The following OR51E2 variants were observed in gnomAD, a reference collection of about 807,000 sequenced individuals.
OR51E2 encodes olfactory receptor family 51 subfamily E member 2, also known as olfactory receptor 51E2.
A neutral mutation model predicts 13.7 loss-of-function variants in OR51E2; 14 were observed. The ratio of observed to expected loss-of-function variants is 1.02; its 90% CI spans 0.68 to 1.60. The LOEUF is 1.60. OR51E2 is among the 40% of genes most tolerant of loss of function. The pLI is 0.00. For synonymous variants in OR51E2, 180 were observed against 157.6 expected, an observed-to-expected ratio of 1.14 and a Z score of -1.07; for missense variants, 483 against 413.8, an observed-to-expected ratio of 1.17 and a Z score of -1.45.
rs772282845 is a variant in OR51E2 at position 4,682,353 on chromosome 11, T to C, written c.359A>G (p.Asp120Gly). ...ESTILLAMAF[D>G]RYVAICHPLR... Reference sequence around the variant, plus strand: ...TGGGTGGCAGATGGCCACATAACGGTCAAAGGCCATGGCCAGCAGGATGGT... The same window carrying C: ...TGGGTGGCAGATGGCCACATAACGGCCAAAGGCCATGGCCAGCAGGATGGT... The change falls in exon 2 of 2, where the codon GAC becomes GGC. Residue 120 changes from aspartate to glycine, a missense_variant. Physicochemically the swap from Asp to Gly is moderately conservative, Grantham distance 94. Transcript: ENST00000396950. 6.2e-7 allele frequency: 1 copy of C among 1,614,016 alleles called. No homozygotes were observed. Among genetic ancestry groups the C allele is most frequent in the Non-Finnish European group, 8.5e-7 (1 of 1,179,998 alleles).
Position 4,681,832 on chromosome 11 carries a change from T to C in OR51E2, c.880A>G (p.Lys294Glu), listed in dbSNP as rs1847454086. 1 of 1,614,104 alleles carries C rather than the reference T, an allele frequency of 6.2e-7. No homozygotes were observed. Among genetic ancestry groups the C allele is most frequent in the Non-Finnish European group, 8.5e-7 (1 of 1,180,034 alleles). ...PVINPIIYGAKTKQIRTRVLA... is the reference protein window; with the variant it reads ...PVINPIIYGAETKQIRTRVLA... ...ACCCGTGTTCTGATCTGTTTGGTTT[T>C]GGCACCATAGATGATGGGATTGATG... The change falls in exon 2 of 2, where the codon AAA becomes GAA. Residue 294 changes from lysine (K) to glutamate (E), a missense_variant. Coordinates refer to ENST00000396950, the MANE Select transcript of OR51E2 (RefSeq NM_030774.4).
chr11:4,685,906 C>T (rs900714412), intron 1 of OR51E2: 1 of 152,204 alleles, frequency 6.6e-6, no homozygotes, highest in African/African-American at 2.4e-5. Flanking sequence ...ATATTTAACA[C>T]TAACCTGTTC....
intron 1 of OR51E2, among the ~76,000 whole-genome samples, chr11:4,693,507 G>A (rs1847613165): frequency 6.6e-6 from 1 of 152,176 alleles, no homozygotes; most frequent in Non-Finnish European, 1.5e-5. Context: ...GGATCACGAG[G>A]TCAGGAGATC....
In OR51E2 at chr11:4,680,777, A is replaced by G. The variant is rs548398110; in HGVS notation, c.*972T>C. On this transcript the variant is annotated 3_prime_UTR_variant, in exon 2 of 2. Coordinates refer to ENST00000396950, the MANE Select transcript of OR51E2 (RefSeq NM_030774.4). The stretch of plus-strand genomic sequence containing the variant: ...ATTGGCATTATTATTAAGGGCTTAT[A>G]TAAATTCCCAGGTAATGCATAATAA... The G allele has an allele frequency of 3.3e-5, 5 of 152,430 alleles. No homozygotes were observed. Among genetic ancestry groups the G allele is most frequent in the African/African-American group, 1.2e-4 (5 of 41,590 alleles). The allele number at this position is 152,430 out of a possible 1,614,324, so 9.4% of individuals were successfully genotyped here.
At chr11:4,687,656 T>C (rs1344668141) in intron 1 of OR51E2, among the ~76,000 whole-genome samples, 3 of 152,102 alleles carry the variant, frequency 2.0e-5, no homozygotes, top group African/African-American at 4.8e-5. Context: ...ACACTATAGA[T>C]AGAAATGTGG....
intron 1 of OR51E2, among the ~76,000 whole-genome samples, chr11:4,693,583 TG>T (rs1351642589): frequency 2.0e-5 from 3 of 151,902 alleles, no homozygotes; most frequent in Non-Finnish European, 4.4e-5. Flanking sequence ...TAGCCGGGCG[TG>T]GTGGCGGGCG....
chr11:4,695,039 G>A (rs930044497), intron 1 of OR51E2, among the ~76,000 whole-genome samples: 47 of 151,994 alleles, frequency 3.1e-4, no homozygotes, highest in Non-Finnish European at 2.4e-4. Context: ...CAAGAGAAGG[G>A]GTATATCGAA....
Position 4,682,767 on chromosome 11 carries a change from G to A in OR51E2, c.-50-6C>T. 6.4e-7 allele frequency: 1 copy of A among 1,568,254 alleles called. No homozygotes were observed. The highest frequency in any genetic ancestry group is 2.2e-5 in the East Asian group (1 of 44,498). ...GGTGAGGTCACACTGGCAGTCTGCA[G>A]GGACATAGAGCACAATCAGAGAATG... is the stretch of plus-strand genomic sequence containing the variant. On this transcript the variant is annotated splice_region_variant and splice_polypyrimidine_tract_variant and intron_variant, in intron 1 of 1. Transcript: ENST00000396950.
intron 1 of OR51E2, among the ~76,000 whole-genome samples, chr11:4,687,739 C>T (rs1384927850): frequency 6.6e-6 from 1 of 152,000 alleles, no homozygotes; most frequent in Non-Finnish European, 1.5e-5. Context: ...AGAATGGTGA[C>T]AAGAGAGTTT....
chr11:4,682,514 T>C lies in OR51E2; in HGVS notation c.198A>G (p.Ala66=), dbSNP rs763923588. The C allele has an allele frequency of 6.2e-7, 1 of 1,614,164 alleles. No homozygotes were observed. The highest frequency in any genetic ancestry group is 1.7e-4 in the Middle Eastern group (1 of 6,060). The change falls in exon 2 of 2, where the codon GCA becomes GCG. Residue 66 remains alanine (A), a synonymous_variant. Coordinates refer to ENST00000396950, the MANE Select transcript of OR51E2 (RefSeq NM_030774.4). ...ATGTGGATAAGGCCAGGTCAATGGC[T>C]GCAAGCATGCAGAGAAAGAGGTACA... ...APMYLFLCML[A]AIDLALSTST...
At chr11:4,692,405 C>T (rs1251263857) in intron 1 of OR51E2, among the ~76,000 whole-genome samples, 1 of 152,214 alleles carries the variant, frequency 6.6e-6, no homozygotes, top group Non-Finnish European at 1.5e-5. Context: ...TAATGTGCTG[C>T]CACGTTCCAA....
intron 1 of OR51E2, among the ~76,000 whole-genome samples, chr11:4,687,568 G>T (rs1431133340): frequency 6.6e-6 from 1 of 152,148 alleles, no homozygotes; most frequent in Non-Finnish European, 1.5e-5. Context: ...ATCTTCTTGT[G>T]TGCCATCTGA....
Position 4,681,666 on chromosome 11 carries a change from A to T in OR51E2, c.*83T>A, listed in dbSNP as rs866106111. The T allele has an allele frequency of 2.6e-5, 40 of 1,516,710 alleles. No individual in the cohort carries two copies. The Admixed American group carries it at 5.7e-4, about 22-fold the overall frequency. The allele number at this position is 1,516,710 out of a possible 1,614,324, so 94.0% of individuals were successfully genotyped here. A position where few individuals can be genotyped will look rare whatever the true frequency, so the allele number is the denominator to read the frequency against. On this transcript the variant is annotated 3_prime_UTR_variant, in exon 2 of 2. Transcript: ENST00000396950. ...GCCAGAGAAAAGTACTGATGTGCTT[A>T]TGGGCAACTGGAAATAAGCTAGTGT...
intron 1 of OR51E2, among the ~76,000 whole-genome samples, chr11:4,688,335 C>T (rs1176041239): frequency 6.6e-6 from 1 of 152,018 alleles, no homozygotes; most frequent in Non-Finnish European, 1.5e-5. Flanking sequence ...GTGTAAGTCA[C>T]GTGGGTCTCT....
intron 1 of OR51E2, among the ~76,000 whole-genome samples, chr11:4,686,329 A>G (rs149407827): frequency 2.0e-5 from 3 of 152,336 alleles, no homozygotes; most frequent in Admixed American, 6.5e-5. Context: ...AGAATTTTCT[A>G]TAGAAGAATT....
intron 1 of OR51E2, 27 bp from the exon 2 acceptor site, chr11:4,682,788 G>A (rs1847473464): frequency 1.3e-6 from 2 of 1,489,028 alleles, no homozygotes; most frequent in African/African-American, 1.4e-5. Flanking sequence ...CACAATCAGA[G>A]AATGCCCTGG....
rs1847537735 is a variant in OR51E2 at position 4,688,291 on chromosome 11, G to A, written c.-50-5530C>T. On this transcript the variant is annotated intron_variant, in intron 1 of 1. Coordinates refer to ENST00000396950, the MANE Select transcript of OR51E2 (RefSeq NM_030774.4). Reference sequence around the variant, plus strand: ...TTATAACATCAAGGGCCCTGTAATGGGGTGCACTTGAGCAGAGATCTGTCT... The same window carrying A: ...TTATAACATCAAGGGCCCTGTAATGAGGTGCACTTGAGCAGAGATCTGTCT... 2.0e-5 allele frequency among the ~76,000 whole-genome samples: 3 copies of A among 152,206 alleles called. No homozygotes were observed. The South Asian group carries it at 6.2e-4, about 32-fold the overall frequency.
rs1390754265 is a variant in OR51E2, at chr11:4,682,658, T to C, written c.54A>G (p.Gly18=). The C allele has an allele frequency of 6.2e-7, 1 of 1,614,146 alleles. No individual in the cohort carries two copies. Among genetic ancestry groups the C allele is most frequent in the Admixed American group, 1.7e-5 (1 of 60,026 alleles). ...CAACCCAGAAATGGGCTTTCTCTAA[T>C]CCTGGGATACCAATAAGCACAAAGG... ...HATFVLIGIP[G]LEKAHFWVGF... Residue 18 remains glycine, a synonymous_variant, in exon 2 of 2, where the codon GGA becomes GGG. Coordinates refer to ENST00000396950, the MANE Select transcript of OR51E2 (RefSeq NM_030774.4).
At position 4,682,612 on chromosome 11, in the gene OR51E2, A is replaced by G. The variant is rs1450180675; in HGVS notation, c.100T>C (p.Tyr34His). The change falls in exon 2 of 2, where the codon TAT becomes CAT. Residue 34 changes from tyrosine to histidine, a missense_variant. Tyr to His is a moderately conservative substitution (Grantham distance 83, BLOSUM62 2). Coordinates refer to ENST00000396950, the MANE Select transcript of OR51E2 (RefSeq NM_030774.4). Reference protein sequence around the residue: ...FWVGFPLLSMYVVAMFGNCIV... With the variant: ...FWVGFPLLSMHVVAMFGNCIV... ...CAGTTTCCAAACATTGCCACTACAT[A>G]CATGGAAAGGAGGGGGAAGCCAACC... The G allele has an allele frequency of 6.2e-7, 1 of 1,614,074 alleles. No individual in the cohort carries two copies. Among genetic ancestry groups the G allele is most frequent in the African/African-American group, 1.3e-5 (1 of 74,924 alleles).
Sources: gnomAD v4.1 joint callset for allele counts (sites outside exome capture counted in the v4.1 genomes callset) on GRCh38, gnomAD v4.1.1 for gene constraint, MANE v1.5 for transcripts, NCBI Gene and HGNC (gene_info 2026-07-23, HGNC 2026-07-21) for gene names.